Variants in MGST3 observed in about 807,000 individuals in gnomAD.
The protein encoded by MGST3 is microsomal glutathione S-transferase 3, also known as glutathione S-transferase 3, mitochondrial.
MGST3 carries 13 observed loss-of-function variants against 15.8 expected under a neutral mutation model. The observed-to-expected ratio is 0.82, with a 90% CI of 0.54 to 1.31. The LOEUF (loss-of-function observed/expected upper bound fraction) is 1.31. MGST3 is among the 50% of genes most tolerant of loss of function. The pLI is 0.00. For synonymous variants in MGST3, 49 were observed against 68.1 expected, an observed-to-expected ratio of 0.72 and a Z score of 1.38; for missense variants, 155 against 192.4, an observed-to-expected ratio of 0.81 and a Z score of 1.15.
At chr1:165,635,502 A>G (rs1648084934) in intron 1 of MGST3, among the ~76,000 whole-genome samples, 1 of 152,192 alleles carries the variant, frequency 6.6e-6, no homozygotes, top group South Asian at 2.1e-4. Flanking sequence ...CTTGTGCTCT[A>G]TAACCAAGAA....
intron 1 of MGST3, chr1:165,647,342 A>G (rs1280495443): frequency 1.3e-5 from 2 of 152,202 alleles, no homozygotes; most frequent in African/African-American, 4.8e-5. Context: ...CACTTCTCTT[A>G]TCTTGCCATC....
Position 165,650,920 on chromosome 1 carries a change from T to A in MGST3, c.118-94T>A, listed in dbSNP as rs1648533932. The A allele has an allele frequency of 5.7e-6, 6 of 1,052,374 alleles. No individual in the cohort carries two copies. In the East Asian group the frequency reaches 1.4e-4, roughly 25 times the overall value. The allele number at this position is 1,052,374 out of a possible 1,614,324, so 65.2% of individuals were successfully genotyped here. ...CATCTATCAAGGGTGTGAAAGAAGATACTTTGGAATATATTGTTTTTAAGG... is the reference window on the plus strand; with the variant it reads ...CATCTATCAAGGGTGTGAAAGAAGAAACTTTGGAATATATTGTTTTTAAGG... On this transcript the variant is annotated intron_variant, in intron 2 of 5. Coordinates refer to ENST00000367889, the MANE Select transcript of MGST3 (RefSeq NM_004528.4).
intron 1 of MGST3, among the ~76,000 whole-genome samples, chr1:165,636,422 A>G (rs1302463463): frequency 6.6e-6 from 1 of 152,168 alleles, no homozygotes; most frequent in Non-Finnish European, 1.5e-5. Flanking sequence ...ACGTATATAC[A>G]TTGTGTAATG....
At chr1:165,647,670 C>G (rs1051927734) in intron 1 of MGST3, 6 of 152,160 alleles carry the variant, frequency 3.9e-5, no homozygotes, top group African/African-American at 1.2e-4. Flanking sequence ...AAACTTTAAC[C>G]TAAAGCAAAT....
chr1:165,649,354 C>G (rs1013739347), intron 1 of MGST3: 2 of 165,610 alleles, frequency 1.2e-5, no homozygotes, highest in African/African-American at 4.8e-5. Context: ...TGCTTTCTCT[C>G]TCTCTCTCTC....
chr1:165,652,355 A>C (rs1648583132), intron 4 of MGST3, among the ~76,000 whole-genome samples: 1 of 152,192 alleles, frequency 6.6e-6, no homozygotes, highest in Admixed American at 6.5e-5. Context: ...TTGTTATAGT[A>C]ATTCATTCAC....
chr1:165,632,315 T>C, intron 1 of MGST3: 1 of 1,609,596 alleles, frequency 6.2e-7, no homozygotes. Context: ...GCGGAATTGC[T>C]GCAGATTTTA....
In MGST3 at chr1:165,650,618, G is replaced by A. The variant is rs34939445; in HGVS notation, c.118-396G>A. 1,083 of 208,096 alleles carry A rather than the reference G, an allele frequency of 5.2e-3. 10 individuals are homozygous for A. Among genetic ancestry groups the A allele is most frequent in the African/African-American group, 0.013 (577 of 43,220 alleles). The allele number at this position is 208,096 out of a possible 1,614,324, so 12.9% of individuals were successfully genotyped here. ...TAAGATTCTCACACACTCAATTTCT[G>A]TTCTTCTATTAAGGGAAATCTTAAA... is the stretch of plus-strand genomic sequence containing the variant. On this transcript the variant is annotated intron_variant, in intron 2 of 5. Transcript: ENST00000367889.
chr1:165,636,593 G>A (rs999787161), intron 1 of MGST3, among the ~76,000 whole-genome samples: 2 of 151,944 alleles, frequency 1.3e-5, no homozygotes, highest in Non-Finnish European at 2.9e-5. Context: ...AAAATTAACC[G>A]GGGCGTGGTA....
At chr1:165,651,850 A>G (rs983326010) in intron 3 of MGST3, 128 bp from the exon 4 acceptor site, 12 of 633,762 alleles carry the variant, frequency 1.9e-5, no homozygotes, top group Non-Finnish European at 2.7e-5. Flanking sequence ...AGCTGAGATC[A>G]TGCCACTGCA....
At chr1:165,654,631 C>T (rs1171951143) in intron 5 of MGST3, among the ~76,000 whole-genome samples, 1 of 152,080 alleles carries the variant, frequency 6.6e-6, no homozygotes, top group Non-Finnish European at 1.5e-5. Context: ...TTTCAGGCTG[C>T]TGTGAACCAT....
intron 2 of MGST3, chr1:165,650,713 T>A: frequency 2.4e-6 from 1 of 410,332 alleles, no homozygotes; most frequent in South Asian, 2.2e-5. Flanking sequence ...GCATCTGAAA[T>A]CCACCATTGA....
At chr1:165,643,725 G>A (rs139802286) in intron 1 of MGST3, among the ~76,000 whole-genome samples, 5,501 of 152,010 alleles carry the variant, frequency 0.036, 345 homozygotes, top group African/African-American at 0.13. Flanking sequence ...AAAATTAGCC[G>A]GGTGTTGTGG....
chr1:165,639,624 G>A (rs985219805), intron 1 of MGST3, among the ~76,000 whole-genome samples: 16 of 152,050 alleles, frequency 1.1e-4, no homozygotes, highest in African/African-American at 3.6e-4. Flanking sequence ...CCAACATGGC[G>A]AAACCCCATC....
At chr1:165,652,301 C>T (rs1225632789) in intron 4 of MGST3, among the ~76,000 whole-genome samples, 2 of 152,206 alleles carry the variant, frequency 1.3e-5, no homozygotes, top group African/African-American at 4.8e-5. Flanking sequence ...AGAATTTGAA[C>T]TCAGGTCTGT....
At position 165,655,400 on chromosome 1, in the gene MGST3, T is replaced by C. The variant is rs1428961129; in HGVS notation, c.355T>C (p.Ser119Pro). Residue 119 changes from serine (S) to proline (P), a missense_variant, in exon 6 of 6, where the codon TCC (serine) becomes CCC (proline). Physicochemically the swap from Ser to Pro is moderately conservative, Grantham distance 74 (BLOSUM62 -1). Transcript: ENST00000367889. ...CAAGCGTAGTCGAGGAGCCCTGGGG[T>C]CCATCGCCCTCCTGGGCTTGGTGGG... ...PSKRSRGALGSIALLGLVGTT... is the reference protein window; with the variant it reads ...PSKRSRGALGPIALLGLVGTT... 6.2e-7 allele frequency: 1 copy of C among 1,614,028 alleles called. No individual in the cohort carries two copies. Among genetic ancestry groups the C allele is most frequent in the South Asian group, 1.1e-5 (1 of 91,078 alleles).
rs774421097 is a variant in MGST3, at chr1:165,651,103, G to A, written c.191+16G>A. 3.1e-6 allele frequency: 5 copies of A among 1,613,362 alleles called. No homozygotes were observed. The Admixed American group carries it at 5.0e-5, about 16-fold the overall frequency. Reference sequence around the variant, plus strand: ...ACCAGAACACGTGAGTGTCGGCCCTGCCGGGCACCAAAGACATCTGCAGAG... The same window carrying A: ...ACCAGAACACGTGAGTGTCGGCCCTACCGGGCACCAAAGACATCTGCAGAG... On this transcript the variant is annotated intron_variant, in intron 3 of 5. Transcript: ENST00000367889.
At chr1:165,637,209 G>C (rs63107060) in intron 1 of MGST3, 1 of 68,656 alleles carries the variant, frequency 1.5e-5, no homozygotes, top group African/African-American at 3.6e-5. Context: ...AGAAAAAAAA[G>C]AGCAGTTGAG....
chr1:165,641,925 C>G (rs1215650420), intron 1 of MGST3, among the ~76,000 whole-genome samples: 2 of 152,184 alleles, frequency 1.3e-5, no homozygotes, highest in Non-Finnish European at 2.9e-5. Context: ...TCTTTTAAAC[C>G]TTTAATGTTC....
Sources: gnomAD v4.1 joint callset for allele counts (sites outside exome capture counted in the v4.1 genomes callset) on GRCh38, gnomAD v4.1.1 for gene constraint, MANE v1.5 for transcripts, NCBI Gene and HGNC (gene_info 2026-07-23, HGNC 2026-07-21) for gene names.